ASAP1: variants seen among roughly 807,000 people sequenced by gnomAD.
The protein encoded by ASAP1 is arf-GAP with SH3 domain, ANK repeat and PH domain-containing protein 1.
ASAP1 carries 43 observed loss-of-function variants against 145.2 expected under a neutral mutation model. The ratio of observed to expected loss-of-function variants is 0.30; its 90% CI spans 0.23 to 0.38. The LOEUF (loss-of-function observed/expected upper bound fraction) is 0.38. ASAP1 is among the 10% of genes least tolerant of loss of function. The probability of loss-of-function intolerance (pLI) is 1.00; values close to 1 mark genes in which losing one functional copy is unlikely to be tolerated. For missense variants in ASAP1, 1,018 were observed against 1,355.3 expected (o/e 0.75, Z 3.91); for synonymous variants, 546 against 515.5 (o/e 1.06, Z -0.80).
chr8:130,309,372 T>C (rs1279932095), intron 3 of ASAP1, among the ~76,000 whole-genome samples: 1 of 151,960 alleles, frequency 6.6e-6, no homozygotes, highest in South Asian at 2.1e-4. Context: ...AGGTGATGGG[T>C]GGCAAGGTAT....
intron 3 of ASAP1, among the ~76,000 whole-genome samples, chr8:130,289,004 G>C (rs1351833485): frequency 2.0e-5 from 3 of 152,170 alleles, no homozygotes; most frequent in Non-Finnish European, 4.4e-5. Context: ...GGCTAACACA[G>C]TGAAACCTTG....
At chr8:130,162,966 T>C (rs1407645736) in intron 11 of ASAP1, 1 of 155,724 alleles carries the variant, frequency 6.4e-6, no homozygotes, top group Non-Finnish European at 1.4e-5. Flanking sequence ...TTTAAAACTA[T>C]GTATCTCTCG....
intron 1 of ASAP1, among the ~76,000 whole-genome samples, chr8:130,429,542 T>TCC (rs995902357): frequency 6.6e-6 from 1 of 152,180 alleles, no homozygotes; most frequent in Non-Finnish European, 1.5e-5. Flanking sequence ...CACACCTAAG[T>TCC]CCAGGATCCA....
intron 3 of ASAP1, among the ~76,000 whole-genome samples, chr8:130,245,537 G>C (rs1488072841): frequency 6.6e-6 from 1 of 152,060 alleles, no homozygotes; most frequent in Non-Finnish European, 1.5e-5. Context: ...CAATTCTAAG[G>C]ATTTAGTCCA....
intron 27 of ASAP1, among the ~76,000 whole-genome samples, chr8:130,064,934 T>TGTGTGTGTGTG (rs56705405): frequency 1.4e-5 from 2 of 146,520 alleles, no homozygotes; most frequent in African/African-American, 5.0e-5. Context: ...TGTGTGTGTG[T>TGTGTGTGTGTG]AAGAATCACA....
intron 7 of ASAP1, among the ~76,000 whole-genome samples, chr8:130,182,376 G>A (rs1049360877): frequency 6.6e-5 from 10 of 152,160 alleles, no homozygotes; most frequent in Non-Finnish European, 7.3e-5. Context: ...GAGAGAAGGA[G>A]AGCACCTCAA....
intron 13 of ASAP1, 103 bp downstream of exon 13, chr8:130,152,633 G>A: frequency 3.4e-6 from 2 of 582,884 alleles, no homozygotes; most frequent in South Asian, 7.0e-5. Context: ...AAAATGATCT[G>A]ACCCAAATGC....
intron 6 of ASAP1, among the ~76,000 whole-genome samples, chr8:130,187,771 G>T (rs956544605): frequency 6.6e-6 from 1 of 152,134 alleles, no homozygotes; most frequent in African/African-American, 2.4e-5. Context: ...AGGAAAGAAG[G>T]GTAAGCGCCC....
At chr8:130,258,934 C>A (rs942823007) in intron 3 of ASAP1, among the ~76,000 whole-genome samples, 1 of 152,108 alleles carries the variant, frequency 6.6e-6, no homozygotes, top group Admixed American at 6.5e-5. Flanking sequence ...AATTTTGGGG[C>A]AAGTGGTAGG....
chr8:130,288,443 T>C (rs1821752404), intron 3 of ASAP1, among the ~76,000 whole-genome samples: 1 of 152,132 alleles, frequency 6.6e-6, no homozygotes, highest in Non-Finnish European at 1.5e-5. Context: ...TATCAGGACA[T>C]GTTTTATTTG....
chr8:130,072,838 G>GA (rs59076943), intron 27 of ASAP1, among the ~76,000 whole-genome samples: 7 of 40,532 alleles, frequency 1.7e-4, no homozygotes, highest in African/African-American at 4.4e-4. Context: ...CGCGGGGGGG[G>GA]GCAGTTTTGG....
intron 1 of ASAP1, among the ~76,000 whole-genome samples, chr8:130,418,491 T>C (rs1222236505): frequency 6.6e-6 from 1 of 151,996 alleles, no homozygotes. Flanking sequence ...GAGGTTGCAG[T>C]GAGCTGAGAC....
intron 5 of ASAP1, among the ~76,000 whole-genome samples, chr8:130,194,171 G>T (rs542598056): frequency 4.3e-4 from 65 of 152,158 alleles, no homozygotes; most frequent in Non-Finnish European, 8.1e-4. Flanking sequence ...CAATGAAAAG[G>T]CTACAGGAAA....
At chr8:130,330,347 C>A (rs1824602959) in intron 3 of ASAP1, among the ~76,000 whole-genome samples, 1 of 152,216 alleles carries the variant, frequency 6.6e-6, no homozygotes, top group South Asian at 2.1e-4. Context: ...CCGAAAGGAC[C>A]CTGTAAGATT....
chr8:130,418,776 GTTTTTT>G (rs11340723), intron 1 of ASAP1, among the ~76,000 whole-genome samples: 1 of 146,938 alleles, frequency 6.8e-6, no homozygotes, highest in Non-Finnish European at 1.5e-5. Flanking sequence ...AAAAATAGGA[GTTTTTT>G]TTTTTTTAAT....
At position 130,294,383 on chromosome 8, in the gene ASAP1, A is replaced by G. The variant is rs1282047610; in HGVS notation, c.187-57389T>C. ...ACCTCCTCTGTATCCCATAAAGCCC[A>G]GCCTTCACTCTGGCCATTCAACATA... is the stretch of plus-strand genomic sequence containing the variant. On this transcript the variant is annotated intron_variant, in intron 3 of 29. Transcript: ENST00000518721. Among the ~76,000 whole-genome samples the G allele has an allele frequency of 2.6e-5, 4 of 152,360 alleles. No individual in the cohort carries two copies. In the East Asian group the frequency reaches 7.7e-4, roughly 29 times the overall value.
intron 27 of ASAP1, among the ~76,000 whole-genome samples, chr8:130,073,761 T>C (rs981157023): frequency 2.6e-5 from 4 of 152,216 alleles, no homozygotes; most frequent in Middle Eastern, 3.2e-3. Context: ...ATCTTGGCTC[T>C]GAGCATTAAC....
At chr8:130,163,890 A>G (rs1322683896) in intron 11 of ASAP1, among the ~76,000 whole-genome samples, 1 of 152,222 alleles carries the variant, frequency 6.6e-6, no homozygotes, top group Non-Finnish European at 1.5e-5. Context: ...CTTATTTGAA[A>G]ATCTTATTAA....
At chr8:130,438,622 G>A (rs1162654808) in intron 1 of ASAP1, among the ~76,000 whole-genome samples, 1 of 152,168 alleles carries the variant, frequency 6.6e-6, no homozygotes, top group Admixed American at 6.5e-5. Context: ...GGTTTGCATG[G>A]GTTGGTAAAT....
Sources: gnomAD v4.1 joint callset for allele counts (sites outside exome capture counted in the v4.1 genomes callset) on GRCh38, gnomAD v4.1.1 for gene constraint, MANE v1.5 for transcripts, NCBI Gene and HGNC (gene_info 2026-07-23, HGNC 2026-07-21) for gene names.